Variants in KIZ observed in about 807,000 individuals in gnomAD.
The protein encoded by KIZ is kizuna centrosomal protein.
KIZ carries 68 observed loss-of-function variants against 79.6 expected under a neutral mutation model. The observed-to-expected ratio is 0.85, with a 90% confidence interval of 0.70 to 1.05. The LOEUF (loss-of-function observed/expected upper bound fraction) is 1.05. Among genes scored for constraint, KIZ ranks in the 50% least tolerant of loss-of-function variants. The pLI, the probability that KIZ is intolerant of heterozygous loss-of-function variation, is 0.00. For missense variants in KIZ, 797 were observed against 800.4 expected (o/e 1.00, Z 0.05); for synonymous variants, 280 against 281.8 (o/e 0.99, Z 0.06).
At chr20:21,204,517 T>G (rs2035734348) in intron 6 of KIZ, among the ~76,000 whole-genome samples, 1 of 152,138 alleles carries the variant, frequency 6.6e-6, no homozygotes, top group South Asian at 2.1e-4. Flanking sequence ...ATGTATTCCC[T>G]GTGTTTCAGT....
intron 6 of KIZ, among the ~76,000 whole-genome samples, chr20:21,193,763 C>A (rs908692078): frequency 6.7e-6 from 1 of 148,292 alleles, no homozygotes; most frequent in Non-Finnish European, 1.5e-5. Context: ...GGACAAAAAA[C>A]CAAACACCGC....
chr20:21,228,700 A>G (rs1372722160), intron 9 of KIZ, among the ~76,000 whole-genome samples: 2 of 152,170 alleles, frequency 1.3e-5, no homozygotes, highest in Non-Finnish European at 2.9e-5. Flanking sequence ...TCATTCCCGT[A>G]GCTGTCTCTA....
chr20:21,234,797 G>T (rs2036951141), intron 11 of KIZ, among the ~76,000 whole-genome samples: 1 of 148,814 alleles, frequency 6.7e-6, no homozygotes, highest in African/African-American at 2.5e-5. Context: ...AAAAAAAATG[G>T]CTTCCTCTGA....
chr20:21,188,641 C>T (rs2034982882), intron 6 of KIZ, among the ~76,000 whole-genome samples: 1 of 151,400 alleles, frequency 6.6e-6, no homozygotes, highest in Admixed American at 6.6e-5. Flanking sequence ...GTAGCTGGCT[C>T]CATAATAAGC....
chr20:21,164,187 G>A (rs538846560), intron 6 of KIZ, among the ~76,000 whole-genome samples: 1 of 152,290 alleles, frequency 6.6e-6, no homozygotes, highest in Non-Finnish European at 1.5e-5. Flanking sequence ...TACGGCATAT[G>A]TTCTCTTTAG....
intron 6 of KIZ, among the ~76,000 whole-genome samples, chr20:21,205,214 C>G (rs553634028): frequency 4.6e-5 from 7 of 152,238 alleles, no homozygotes; most frequent in Admixed American, 4.6e-4. Context: ...TTCCTGGACT[C>G]TGTAGAGGTG....
intron 9 of KIZ, among the ~76,000 whole-genome samples, chr20:21,219,871 G>A (rs1293307831): frequency 6.6e-6 from 1 of 152,116 alleles, no homozygotes; most frequent in African/African-American, 2.4e-5. Flanking sequence ...TATGGAGCAT[G>A]CGAGTTTTCT....
intron 9 of KIZ, among the ~76,000 whole-genome samples, chr20:21,218,794 T>C (rs1419675189): frequency 6.6e-6 from 1 of 152,212 alleles, no homozygotes; most frequent in Non-Finnish European, 1.5e-5. Flanking sequence ...TTCTGTGATT[T>C]CATTTTGTGG....
intron 9 of KIZ, among the ~76,000 whole-genome samples, chr20:21,226,742 G>A (rs1052607442): frequency 1.3e-5 from 2 of 152,198 alleles, no homozygotes; most frequent in African/African-American, 4.8e-5. Context: ...GGGATTGGGG[G>A]TGAGTGATGT....
At chr20:21,209,442 G>T (rs1187133284) in intron 7 of KIZ, among the ~76,000 whole-genome samples, 1 of 152,194 alleles carries the variant, frequency 6.6e-6, no homozygotes, top group Non-Finnish European at 1.5e-5. Context: ...TCATAGAGTA[G>T]ATCGGGGTCC....
intron 6 of KIZ, among the ~76,000 whole-genome samples, chr20:21,192,415 G>T (rs1286723298): frequency 1.3e-5 from 2 of 151,270 alleles, no homozygotes; most frequent in Non-Finnish European, 2.9e-5. Flanking sequence ...CTTCTGAGTA[G>T]CTGGGACTGC....
intron 4 of KIZ, chr20:21,148,625 A>G (rs1306007082): frequency 1.3e-5 from 2 of 152,206 alleles, no homozygotes; most frequent in Non-Finnish European, 2.9e-5. Context: ...CTGTTTCCAG[A>G]CATGTTCTTC....
chr20:21,155,542 A>T (rs557326984), intron 4 of KIZ, among the ~76,000 whole-genome samples: 2 of 152,278 alleles, frequency 1.3e-5, no homozygotes, highest in African/African-American at 4.8e-5. Context: ...GAGGATGGGG[A>T]GTTACGCTAA....
chr20:21,130,108 T>C (rs2031744735), intron 1 of KIZ, among the ~76,000 whole-genome samples: 1 of 152,170 alleles, frequency 6.6e-6, no homozygotes. Flanking sequence ...TGCTCCCTTT[T>C]TTTTCCCCCT....
chr20:21,126,051 T>A, upstream of KIZ: 4 of 1,411,066 alleles, frequency 2.8e-6, no homozygotes, highest in Non-Finnish European at 3.7e-6. Flanking sequence ...TGGGGCGGTC[T>A]CCTTCGGCAA....
chr20:21,191,962 A>G (rs2035125994), intron 6 of KIZ, among the ~76,000 whole-genome samples: 1 of 152,050 alleles, frequency 6.6e-6, no homozygotes, highest in African/African-American at 2.4e-5. Flanking sequence ...AGTTTCTTCT[A>G]CTCACAAACC....
chr20:21,136,531 A>G lies in KIZ; in HGVS notation c.294A>G (p.Thr98=). 1.9e-6 allele frequency: 3 copies of G among 1,565,672 alleles called. No individual in the cohort carries two copies. The highest frequency in any genetic ancestry group is 1.2e-5 in the South Asian group (1 of 82,360). The change falls in exon 3 of 13, where the codon ACA becomes ACG. Residue 98 remains threonine, a synonymous_variant. Coordinates refer to ENST00000619189, the MANE Select transcript of KIZ (RefSeq NM_018474.6). The part of the protein sequence containing the change: ...QAHVVHFTTN[T]EKLQKLKLEY... ...ATGTTGTACACTTCACCACAAATAC[A>G]GAGAAGCTTCAAAAACTGAAGGTGA...
intron 6 of KIZ, among the ~76,000 whole-genome samples, chr20:21,188,544 A>G (rs2034976179): frequency 6.6e-6 from 1 of 150,708 alleles, no homozygotes; most frequent in Admixed American, 6.6e-5. Context: ...TGTGACCCTT[A>G]TGATGAGGAG....
chr20:21,196,346 C>T (rs2035343566), intron 6 of KIZ: 1 of 152,592 alleles, frequency 6.6e-6, no homozygotes, highest in African/African-American at 2.4e-5. Context: ...GGCTCACGTT[C>T]CTCCTCCTTA....
Sources: gnomAD v4.1 joint callset for allele counts (sites outside exome capture counted in the v4.1 genomes callset) on GRCh38, gnomAD v4.1.1 for gene constraint, MANE v1.5 for transcripts, NCBI Gene and HGNC (gene_info 2026-07-23, HGNC 2026-07-21) for gene names.